HS6ST3: variants seen among roughly 807,000 people sequenced by gnomAD.
HS6ST3 encodes heparan-sulfate 6-O-sulfotransferase 3.
In HS6ST3, 12 loss-of-function variants were observed where a neutral mutation model predicts 36.7. The observed-to-expected ratio is 0.33, with a 90% confidence interval of 0.21 to 0.53. HS6ST3 has a LOEUF of 0.53. Among genes scored for constraint, HS6ST3 ranks in the 20% least tolerant of loss-of-function variants. HS6ST3 has a pLI of 0.95. For synonymous variants in HS6ST3, 240 were observed against 257.5 expected (o/e 0.93, Z 0.65); for missense variants, 584 against 640.9 (o/e 0.91, Z 0.96).
intron 1 of HS6ST3, among the ~76,000 whole-genome samples, chr13:96,550,310 C>CG (rs1440348345): frequency 6.6e-6 from 1 of 152,092 alleles, no homozygotes; most frequent in Non-Finnish European, 1.5e-5. Context: ...TTCTCTCCTG[C>CG]TCCCTCTCTT....
chr13:96,769,079 T>C (rs896339827), intron 1 of HS6ST3, among the ~76,000 whole-genome samples: 2 of 151,990 alleles, frequency 1.3e-5, no homozygotes, highest in African/African-American at 4.8e-5. Flanking sequence ...CACAACCAGG[T>C]ACCTAAAACA....
At position 96,525,576 on chromosome 13, in the gene HS6ST3, A is replaced by G. The variant is rs376145581; in HGVS notation, c.708-306914A>G. On this transcript the variant is annotated intron_variant, in intron 1 of 1. Coordinates refer to ENST00000376705, the MANE Select transcript of HS6ST3 (RefSeq NM_153456.4). ...CACACACACACGCAAACACACACAC[A>G]CCACTCAAATTCAGGTCTTTAATTA... is the stretch of plus-strand genomic sequence containing the variant. 5.9e-4 allele frequency among the ~76,000 whole-genome samples: 90 copies of G among 152,284 alleles called. 2 individuals carry two copies. The South Asian group carries it at 0.016, about 28-fold the overall frequency.
intron 1 of HS6ST3, among the ~76,000 whole-genome samples, chr13:96,313,183 G>C (rs1442832826): frequency 6.6e-6 from 1 of 151,898 alleles, no homozygotes; most frequent in Admixed American, 6.6e-5. Context: ...TGGATTGAGA[G>C]CCTGCTTCCC....
chr13:96,308,093 G>C (rs2054922479), intron 1 of HS6ST3, among the ~76,000 whole-genome samples: 1 of 152,098 alleles, frequency 6.6e-6, no homozygotes, highest in East Asian at 1.9e-4. Flanking sequence ...TTATTAAAAT[G>C]ATAGTGCCAG....
At chr13:96,199,367 A>G (rs1236173153) in intron 1 of HS6ST3, among the ~76,000 whole-genome samples, 1 of 152,216 alleles carries the variant, frequency 6.6e-6, no homozygotes, top group Admixed American at 6.5e-5. Flanking sequence ...TGTATATATG[A>G]TATTAGATTA....
chr13:96,325,543 T>C (rs747453492), intron 1 of HS6ST3, among the ~76,000 whole-genome samples: 1 of 152,202 alleles, frequency 6.6e-6, no homozygotes, highest in Non-Finnish European at 1.5e-5. Context: ...GCATCGTAAG[T>C]AATCCGGAGA....
At chr13:96,573,931 G>T in intron 1 of HS6ST3, 1 of 525,464 alleles carries the variant, frequency 1.9e-6, no homozygotes, top group South Asian at 1.4e-5. Context: ...ATCCGGAGGT[G>T]ACTGCACAGA....
intron 1 of HS6ST3, among the ~76,000 whole-genome samples, chr13:96,282,591 T>G (rs1478665898): frequency 6.6e-6 from 1 of 152,142 alleles, no homozygotes. Context: ...GCGTACAATA[T>G]CTCATTAAAA....
At chr13:96,568,794 C>G (rs1328564640) in intron 1 of HS6ST3, among the ~76,000 whole-genome samples, 2 of 152,122 alleles carry the variant, frequency 1.3e-5, no homozygotes, top group East Asian at 1.9e-4. Flanking sequence ...AAATTTTATT[C>G]TGGACATCTC....
In HS6ST3 at chr13:96,663,886, C is replaced by G. The variant is rs534741804; in HGVS notation, c.708-168604C>G. 3.9e-5 allele frequency among the ~76,000 whole-genome samples: 6 copies of G among 152,244 alleles called. No homozygotes were observed. In the East Asian group the frequency reaches 7.7e-4, roughly 20 times the overall value. On this transcript the variant is annotated intron_variant, in intron 1 of 1. Transcript: ENST00000376705. ...AAGAAGCCACACAAAATGAACAAAT[C>G]TCTATATTGTATGATTCCATTTATA...
At chr13:96,514,042 C>T (rs1049354553) in intron 1 of HS6ST3, among the ~76,000 whole-genome samples, 3 of 151,928 alleles carry the variant, frequency 2.0e-5, no homozygotes, top group African/African-American at 2.4e-5. Context: ...GTGAGCCTTG[C>T]GGGGCCTCAG....
intron 1 of HS6ST3, among the ~76,000 whole-genome samples, chr13:96,232,889 A>G (rs2139368517): frequency 6.6e-6 from 1 of 152,252 alleles, no homozygotes; most frequent in Middle Eastern, 3.4e-3. Context: ...CCCAGGATGG[A>G]TGTGTTGGGT....
At position 96,666,948 on chromosome 13, in the gene HS6ST3, A is replaced by C. The variant is rs1278288502; in HGVS notation, c.708-165542A>C. ...TCATCCATGATGAACTATGCCAGTA[A>C]ATTTGCCCATTTTTTATTATGTAGG... On this transcript the variant is annotated intron_variant, in intron 1 of 1. Transcript: ENST00000376705. Among the ~76,000 whole-genome samples the C allele has an allele frequency of 2.6e-5, 4 of 152,112 alleles. No individual in the cohort carries two copies. The East Asian group carries it at 7.7e-4, about 29-fold the overall frequency.
intron 1 of HS6ST3, among the ~76,000 whole-genome samples, chr13:96,294,678 A>T (rs1311261210): frequency 6.6e-6 from 1 of 152,178 alleles, no homozygotes; most frequent in Non-Finnish European, 1.5e-5. Context: ...TAAAAAGGCC[A>T]TGATTATAAG....
At chr13:96,817,820 A>G (rs946325119) in intron 1 of HS6ST3, among the ~76,000 whole-genome samples, 5 of 152,268 alleles carry the variant, frequency 3.3e-5, no homozygotes, top group South Asian at 2.1e-4. Context: ...ACAAAGGGGC[A>G]TGTTTAGGGA....
intron 1 of HS6ST3, among the ~76,000 whole-genome samples, chr13:96,131,426 TAAAA>T (rs551902071): frequency 1.3e-5 from 2 of 152,140 alleles, no homozygotes; most frequent in East Asian, 1.9e-4. Context: ...TAAAAAAACT[TAAAA>T]AAATTGACAC....
intron 1 of HS6ST3, among the ~76,000 whole-genome samples, chr13:96,307,315 C>A (rs1345893244): frequency 6.6e-6 from 1 of 152,062 alleles, no homozygotes; most frequent in Non-Finnish European, 1.5e-5. Flanking sequence ...AAACAGAGAG[C>A]AATAGCCACG....
At chr13:96,436,117 C>A (rs944107167) in intron 1 of HS6ST3, among the ~76,000 whole-genome samples, 2 of 152,180 alleles carry the variant, frequency 1.3e-5, no homozygotes, top group African/African-American at 4.8e-5. Flanking sequence ...GCACTCATGG[C>A]TGTGTCTCCT....
rs1350907614 is a variant in HS6ST3 at position 96,833,547 on chromosome 13, A to G, written c.*349A>G. 1 of 213,584 alleles carries G rather than the reference A, an allele frequency of 4.7e-6. No individual in the cohort carries two copies. Among genetic ancestry groups the G allele is most frequent in the African/African-American group, 2.3e-5 (1 of 43,614 alleles). The allele number at this position is 213,584 out of a possible 1,614,324, so 13.2% of individuals were successfully genotyped here. ...GTACCAGGAACCCACAGAGGCACAC[A>G]TGAAAAGCCAAATTATGGCTTGGAT... On this transcript the variant is annotated 3_prime_UTR_variant, in exon 2 of 2. Coordinates refer to ENST00000376705, the MANE Select transcript of HS6ST3 (RefSeq NM_153456.4).
Sources: gnomAD v4.1 joint callset for allele counts (sites outside exome capture counted in the v4.1 genomes callset) on GRCh38, gnomAD v4.1.1 for gene constraint, MANE v1.5 for transcripts, NCBI Gene and HGNC (gene_info 2026-07-23, HGNC 2026-07-21) for gene names.